Variants in ZNF676 observed in about 807,000 individuals in gnomAD.
ZNF676 encodes zinc finger protein 676.
ZNF676 carries 4 observed loss-of-function variants against 6.0 expected under a neutral mutation model. The observed-to-expected ratio is 0.67, with a 90% CI of 0.33 to 1.53. The LOEUF (loss-of-function observed/expected upper bound fraction) is 1.53, where lower values mean the gene tolerates loss of function less well. ZNF676 is among the 40% of genes most tolerant of loss of function. The pLI, the probability that ZNF676 is intolerant of heterozygous loss-of-function variation, is 0.06. For synonymous variants in ZNF676, 198 were observed against 223.1 expected (o/e 0.89, Z 1.00); for missense variants, 644 against 679.7 (o/e 0.95, Z 0.58).
chr19:22,242,024 C>G, the ZNF676 span, among the ~76,000 whole-genome samples: 2 of 151,848 alleles, frequency 1.3e-5, no homozygotes. Flanking sequence ...GGGCTTTATA[C>G]AGTATGTGAG....
upstream of ZNF676, among the ~76,000 whole-genome samples, chr19:22,199,179 T>C (rs1030224161): frequency 1.4e-4 from 22 of 152,116 alleles, no homozygotes; most frequent in African/African-American, 5.3e-4. Context: ...CTCTATGAAA[T>C]GTAATTCTGC....
the ZNF676 span, among the ~76,000 whole-genome samples, chr19:22,251,927 T>A: frequency 1.1e-4 from 16 of 152,204 alleles, no homozygotes; most frequent in African/African-American, 3.6e-4. Context: ...TTACTTTACT[T>A]GGGATAATTT....
chr19:22,251,498 C>T, the ZNF676 span, among the ~76,000 whole-genome samples: 1 of 152,034 alleles, frequency 6.6e-6, no homozygotes, highest in Admixed American at 6.6e-5. Context: ...ATATAAAAAT[C>T]CAGATCAGGC....
chr19:22,238,624 G>T, the ZNF676 span, among the ~76,000 whole-genome samples: 4 of 151,942 alleles, frequency 2.6e-5, no homozygotes, highest in African/African-American at 7.3e-5. Flanking sequence ...TATTAGTCAG[G>T]GTTCTCCAGA....
chr19:22,224,735 C>T, the ZNF676 span, among the ~76,000 whole-genome samples: 804 of 152,238 alleles, frequency 5.3e-3, 6 homozygotes, highest in African/African-American at 0.018. Context: ...TGGCTCACCT[C>T]TGTGATCCCA....
At chr19:22,249,631 C>G in the ZNF676 span, among the ~76,000 whole-genome samples, 2 of 151,958 alleles carry the variant, frequency 1.3e-5, no homozygotes, top group African/African-American at 4.8e-5. Context: ...AGGCTGGTCT[C>G]AAACTCCTGA....
intron 2 of ZNF676, among the ~76,000 whole-genome samples, chr19:22,192,567 T>C (rs1440530229): frequency 1.3e-5 from 2 of 151,982 alleles, no homozygotes; most frequent in Non-Finnish European, 2.9e-5. Flanking sequence ...AAGACTATAG[T>C]AATAAAAACA....
At chr19:22,205,460 C>A (rs939416429) in intron 1 of ZNF676, among the ~76,000 whole-genome samples, 6 of 152,234 alleles carry the variant, frequency 3.9e-5, no homozygotes, top group African/African-American at 1.4e-4. Context: ...AAGGCACACA[C>A]ACAGTTTACA....
upstream of ZNF676, among the ~76,000 whole-genome samples, chr19:22,219,763 C>T (rs58683001): frequency 0.041 from 6,160 of 152,020 alleles, 408 homozygotes; most frequent in African/African-American, 0.14. Context: ...TCAAGCGATT[C>T]TCCCGCCTCA....
intron 1 of ZNF676, among the ~76,000 whole-genome samples, chr19:22,213,128 C>G (rs1225987915): frequency 6.6e-6 from 1 of 152,176 alleles, no homozygotes; most frequent in African/African-American, 2.4e-5. Context: ...GCCACCCCAT[C>G]CTGTTCACTT....
At position 22,179,882 on chromosome 19, in the gene ZNF676, C is replaced by T; in HGVS notation, c.*68G>A. 2 of 1,518,914 alleles carry T rather than the reference C, an allele frequency of 1.3e-6. No individual in the cohort carries two copies. The highest frequency in any genetic ancestry group is 1.8e-6 in the Non-Finnish European group (2 of 1,102,288). 94.1% of individuals were successfully genotyped at this position (1,518,914 alleles called of 1,614,324 possible). ...TCTTCACCTTTGTAGATTTTCTCTC[C>T]AGTATGAATTTTCTTATGTTTACTA... On this transcript the variant is annotated 3_prime_UTR_variant, in exon 3 of 3. Coordinates refer to ENST00000397121, the MANE Select transcript of ZNF676 (RefSeq NM_001001411.3).
the ZNF676 span, among the ~76,000 whole-genome samples, chr19:22,255,270 T>G: frequency 6.6e-5 from 10 of 152,096 alleles, 1 homozygote; most frequent in East Asian, 7.8e-4. Context: ...ACCTCAAAAT[T>G]GGCTGGGTTC....
At chr19:22,193,183 TAA>T (rs2144761087) in intron 1 of ZNF676, 72 bp from the exon 2 acceptor site, 2 of 1,420,118 alleles carry the variant, frequency 1.4e-6, no homozygotes, top group Non-Finnish European at 1.9e-6. Context: ...ATGTGCTCAG[TAA>T]AGAGGATGTA....
the ZNF676 span, among the ~76,000 whole-genome samples, chr19:22,232,375 C>T: frequency 2.0e-5 from 3 of 152,010 alleles, no homozygotes; most frequent in African/African-American, 7.2e-5. Flanking sequence ...ACCATGTTGG[C>T]CAGGATGGTC....
At position 22,179,629 on chromosome 19, in the gene ZNF676, C is replaced by A. The variant is rs1488730333; in HGVS notation, c.*321G>T. On this transcript the variant is annotated 3_prime_UTR_variant, in exon 3 of 3. Transcript: ENST00000397121. ...TTTTCACATTTGTAGGGCTTTTCCT[C>A]CAGTATGAATTCTTTTATGAGTAGT... is the stretch of plus-strand genomic sequence containing the variant. 9 of 539,856 alleles carry A rather than the reference C, an allele frequency of 1.7e-5. No homozygotes were observed. The highest frequency in any genetic ancestry group is 3.1e-5 in the Non-Finnish European group (9 of 292,038). The allele number at this position is 539,856 out of a possible 1,614,324, so 33.4% of individuals were successfully genotyped here. A position where few individuals can be genotyped will look rare whatever the true frequency, so the allele number is the denominator to read the frequency against.
chr19:22,225,073 CT>C, the ZNF676 span, among the ~76,000 whole-genome samples: 355 of 152,234 alleles, frequency 2.3e-3, 2 homozygotes, highest in African/African-American at 8.2e-3. Flanking sequence ...GGTTTTACAT[CT>C]TGTAAAACTA....
chr19:22,196,682 C>T lies in ZNF676; in HGVS notation c.-49G>A, dbSNP rs538727910. On this transcript the variant is annotated 5_prime_UTR_variant, in exon 1 of 3. Coordinates refer to ENST00000397121, the MANE Select transcript of ZNF676 (RefSeq NM_001001411.3). ...GTGTAGAATCCAGGCATTGCCACTCCTCCAGAGAGAATTCTATGGCCACAT... is the reference window on the plus strand; with the variant it reads ...GTGTAGAATCCAGGCATTGCCACTCTTCCAGAGAGAATTCTATGGCCACAT... The T allele has an allele frequency of 9.3e-6, 15 of 1,613,080 alleles. No individual in the cohort carries two copies. In the East Asian group the frequency reaches 2.0e-4, roughly 22 times the overall value.
chr19:22,197,614 T>C (rs147931933), upstream of ZNF676, among the ~76,000 whole-genome samples: 2,661 of 152,272 alleles, frequency 0.017, 49 homozygotes, highest in African/African-American at 0.039. Flanking sequence ...TTCTGGTTTG[T>C]AAACAAAGAT....
chr19:22,224,876 T>C, the ZNF676 span, among the ~76,000 whole-genome samples: 1 of 152,094 alleles, frequency 6.6e-6, no homozygotes, highest in Non-Finnish European at 1.5e-5. Flanking sequence ...GCACCTGTGG[T>C]TCCAGCAACC....
Sources: gnomAD v4.1 joint callset for allele counts (sites outside exome capture counted in the v4.1 genomes callset) on GRCh38, gnomAD v4.1.1 for gene constraint, MANE v1.5 for transcripts, NCBI Gene and HGNC (gene_info 2026-07-23, HGNC 2026-07-21) for gene names.